Variants in MLLT3 observed in about 807,000 individuals in gnomAD.
The protein encoded by MLLT3 is MLLT3 super elongation complex subunit.
In MLLT3, 4 loss-of-function variants were observed where a neutral mutation model predicts 53.2. The observed-to-expected ratio is 0.08, with a 90% CI of 0.04 to 0.17. MLLT3 has a LOEUF of 0.17. MLLT3 is among the 10% of genes least tolerant of loss of function. MLLT3 has a pLI of 1.00. For synonymous variants in MLLT3, 283 were observed against 230.6 expected, an observed-to-expected ratio of 1.23 and a Z score of -2.06; for missense variants, 569 against 684.0, an observed-to-expected ratio of 0.83 and a Z score of 1.87.
chr9:20,579,110 G>A (rs571616525), intron 2 of MLLT3, among the ~76,000 whole-genome samples: 33 of 152,236 alleles, frequency 2.2e-4, no homozygotes, highest in South Asian at 1.4e-3. Flanking sequence ...GCCTGTAATC[G>A]CAGCTCCTGT....
intron 2 of MLLT3, among the ~76,000 whole-genome samples, chr9:20,615,083 C>T (rs1049100664): frequency 2.8e-4 from 43 of 152,050 alleles, no homozygotes; most frequent in African/African-American, 8.9e-4. Flanking sequence ...ATGGCTCATG[C>T]CTGTAATCTC....
chr9:20,367,070 C>T (rs1374541956), intron 5 of MLLT3, among the ~76,000 whole-genome samples: 5 of 152,216 alleles, frequency 3.3e-5, no homozygotes, highest in Middle Eastern at 3.2e-3. Context: ...CAGACAGGTC[C>T]AAATGAGTCA....
At chr9:20,377,548 C>T (rs1821798311) in intron 5 of MLLT3, among the ~76,000 whole-genome samples, 1 of 152,022 alleles carries the variant, frequency 6.6e-6, no homozygotes, top group Non-Finnish European at 1.5e-5. Context: ...ATTATTTTGA[C>T]AAGACATTTA....
At chr9:20,520,325 T>C (rs1818026203) in intron 2 of MLLT3, among the ~76,000 whole-genome samples, 2 of 151,446 alleles carry the variant, frequency 1.3e-5, no homozygotes. Flanking sequence ...ATAACAAATC[T>C]GCACATGGAC....
chr9:20,500,324 A>C (rs1825189428), intron 2 of MLLT3, among the ~76,000 whole-genome samples: 2 of 152,228 alleles, frequency 1.3e-5, no homozygotes, highest in Non-Finnish European at 2.9e-5. Context: ...TGAAGGCTGC[A>C]GGTTTCACAA....
chr9:20,366,224 G>A (rs142066428), intron 5 of MLLT3, among the ~76,000 whole-genome samples: 292 of 152,202 alleles, frequency 1.9e-3, no homozygotes, highest in Non-Finnish European at 3.1e-3. Flanking sequence ...AAAGGCCTTG[G>A]TGTGTTATGT....
chr9:20,423,638 C>A (rs777355153), intron 4 of MLLT3, among the ~76,000 whole-genome samples: 2 of 148,448 alleles, frequency 1.3e-5, no homozygotes, highest in Non-Finnish European at 3.0e-5. Flanking sequence ...CACAGTGAGA[C>A]CCTATCTCTA....
chr9:20,441,881 T>C lies in MLLT3; in HGVS notation c.420+6242A>G, dbSNP rs74549965. 3.1e-3 allele frequency among the ~76,000 whole-genome samples: 473 copies of C among 152,296 alleles called. 6 individuals carry two copies. Among genetic ancestry groups the C allele is most frequent in the African/African-American group, 0.011 (455 of 41,576 alleles). ...ATGAGTTTGCCACAAAAGCCACTTA[T>C]ATTTTTAGAAGCCAAAGTCTTGACA... On this transcript the variant is annotated intron_variant, in intron 4 of 10. Transcript: ENST00000380338.
At chr9:20,557,935 G>GGATAACCTATATT (rs1819104948) in intron 2 of MLLT3, among the ~76,000 whole-genome samples, 1 of 151,964 alleles carries the variant, frequency 6.6e-6, no homozygotes, top group African/African-American at 2.4e-5. Context: ...AATTAGAGGG[G>GGATAACCTATATT]GATAACCTAT....
chr9:20,486,801 CT>C (rs1029844496), intron 2 of MLLT3, among the ~76,000 whole-genome samples: 1 of 152,148 alleles, frequency 6.6e-6, no homozygotes, highest in African/African-American at 2.4e-5. Flanking sequence ...TTTGCTCACT[CT>C]TTCAGTGGAT....
chr9:20,433,615 A>G (rs975529912), intron 4 of MLLT3, among the ~76,000 whole-genome samples: 1 of 152,130 alleles, frequency 6.6e-6, no homozygotes. Flanking sequence ...AGATATTCCT[A>G]CCAAAGATGC....
rs996558951 is a variant in MLLT3 at position 20,345,170 on chromosome 9, C to T, written c.*1273G>A. 40 of 225,550 alleles carry T rather than the reference C, an allele frequency of 1.8e-4. No homozygotes were observed. The highest frequency in any genetic ancestry group is 7.8e-4 in the African/African-American group (35 of 45,040). 14.0% of individuals were successfully genotyped at this position (225,550 alleles called of 1,614,324 possible). On this transcript the variant is annotated 3_prime_UTR_variant, in exon 11 of 11. Transcript: ENST00000380338. ...ACAAAAAAATCCCCCCATCCCCAAC[C>T]GTCTTTCACCAATACAAGAAATCCT...
chr9:20,350,826 A>G (rs994071503), intron 10 of MLLT3, among the ~76,000 whole-genome samples: 1 of 152,166 alleles, frequency 6.6e-6, no homozygotes, highest in Non-Finnish European at 1.5e-5. Flanking sequence ...CCCTTCCCCA[A>G]TTTTTAATTA....
At chr9:20,534,696 A>G (rs1286181625) in intron 2 of MLLT3, among the ~76,000 whole-genome samples, 2 of 152,010 alleles carry the variant, frequency 1.3e-5, no homozygotes. Context: ...ACCATCCCGG[A>G]TAACACAGTG....
chr9:20,343,306 T>C lies in MLLT3; in HGVS notation c.*3137A>G, dbSNP rs1454267807. On this transcript the variant is annotated 3_prime_UTR_variant, in exon 11 of 11. Transcript: ENST00000380338. ...TCAGATTAGAGAGATTTAAATTGCC[T>C]AGCAATTTAAAATGTTTAAGACACT... 4 of 197,482 alleles carry C rather than the reference T, an allele frequency of 2.0e-5. No individual in the cohort carries two copies. Among genetic ancestry groups the C allele is most frequent in the African/African-American group, 7.0e-5 (3 of 42,656 alleles). 12.2% of individuals were successfully genotyped at this position (197,482 alleles called of 1,614,324 possible).
intron 5 of MLLT3, among the ~76,000 whole-genome samples, chr9:20,391,436 G>A (rs1164441320): frequency 6.6e-6 from 1 of 152,130 alleles, no homozygotes; most frequent in Non-Finnish European, 1.5e-5. Context: ...TATTTTGTAA[G>A]GAAGGCTGAC....
At chr9:20,418,458 C>T (rs866954700) in intron 4 of MLLT3, 1 of 152,240 alleles carries the variant, frequency 6.6e-6, no homozygotes, top group Non-Finnish European at 1.5e-5. Context: ...ACTTTTCCCA[C>T]TTCAATCCCA....
At chr9:20,375,765 C>A (rs748240535) in intron 5 of MLLT3, among the ~76,000 whole-genome samples, 1 of 151,924 alleles carries the variant, frequency 6.6e-6, no homozygotes, top group Non-Finnish European at 1.5e-5. Context: ...CCTGCCACCA[C>A]GCCCGGCTAG....
At chr9:20,392,991 A>T (rs1240315059) in intron 5 of MLLT3, among the ~76,000 whole-genome samples, 2 of 152,184 alleles carry the variant, frequency 1.3e-5, no homozygotes, top group Non-Finnish European at 2.9e-5. Context: ...CCCTGTCTCT[A>T]CTAAAAATAC....
Sources: gnomAD v4.1 joint callset for allele counts (sites outside exome capture counted in the v4.1 genomes callset) on GRCh38, gnomAD v4.1.1 for gene constraint, MANE v1.5 for transcripts, NCBI Gene and HGNC (gene_info 2026-07-23, HGNC 2026-07-21) for gene names.